BRINP3: variants seen among roughly 807,000 people sequenced by gnomAD.
The protein encoded by BRINP3 is BMP/retinoic acid inducible neural specific 3.
A neutral mutation model predicts 71.0 loss-of-function variants in BRINP3; 19 were observed. The observed-to-expected ratio is 0.27, with a 90% confidence interval of 0.19 to 0.39. The LOEUF (loss-of-function observed/expected upper bound fraction) is 0.39. Ranked by LOEUF, BRINP3 falls within the 10% of genes least tolerant of loss-of-function variation. The probability of loss-of-function intolerance (pLI) is 1.00; values close to 1 mark genes in which losing one functional copy is unlikely to be tolerated. For missense variants in BRINP3, 959 were observed against 940.8 expected, an observed-to-expected ratio of 1.02 and a Z score of -0.25; for synonymous variants, 380 against 337.7, an observed-to-expected ratio of 1.13 and a Z score of -1.37.
intron 2 of BRINP3, among the ~76,000 whole-genome samples, chr1:190,345,526 C>T (rs1667959445): frequency 6.6e-6 from 1 of 151,186 alleles, no homozygotes; most frequent in Non-Finnish European, 1.5e-5. Context: ...TCTATTTCAT[C>T]ATATTGTTAT....
chr1:190,445,099 T>C (rs991786067), intron 2 of BRINP3, among the ~76,000 whole-genome samples: 4 of 152,074 alleles, frequency 2.6e-5, no homozygotes, highest in African/African-American at 9.7e-5. Flanking sequence ...GAATTATAAT[T>C]CCTATTGAAA....
At chr1:190,466,813 T>A (rs1676785619) in intron 1 of BRINP3, among the ~76,000 whole-genome samples, 1 of 151,478 alleles carries the variant, frequency 6.6e-6, no homozygotes, top group African/African-American at 2.4e-5. Flanking sequence ...ATAAATGGAG[T>A]TTATTAATAA....
At chr1:190,419,634 T>C (rs1673229985) in intron 2 of BRINP3, among the ~76,000 whole-genome samples, 1 of 151,694 alleles carries the variant, frequency 6.6e-6, no homozygotes, top group Admixed American at 6.6e-5. Context: ...CAGTTTCTCA[T>C]ACATTTTCTC....
intron 6 of BRINP3, among the ~76,000 whole-genome samples, chr1:190,211,169 T>G (rs1224565344): frequency 6.6e-6 from 1 of 152,054 alleles, no homozygotes; most frequent in African/African-American, 2.4e-5. Flanking sequence ...TGTGAGTCAA[T>G]TCTCCTCAAA....
intron 2 of BRINP3, among the ~76,000 whole-genome samples, chr1:190,388,255 A>G (rs1671038368): frequency 6.6e-6 from 1 of 151,840 alleles, no homozygotes; most frequent in Non-Finnish European, 1.5e-5. Flanking sequence ...CAGCATCTGT[A>G]GAGAAAAAGC....
At chr1:190,125,430 A>AT (rs992455493) in intron 7 of BRINP3, among the ~76,000 whole-genome samples, 1 of 151,722 alleles carries the variant, frequency 6.6e-6, no homozygotes, top group Admixed American at 6.6e-5. Flanking sequence ...TTTAAAACAT[A>AT]TTTTTTTCTC....
At chr1:190,304,452 G>A (rs1664953998) in intron 2 of BRINP3, among the ~76,000 whole-genome samples, 1 of 151,720 alleles carries the variant, frequency 6.6e-6, no homozygotes, top group African/African-American at 2.4e-5. Flanking sequence ...TGAAACAGAA[G>A]AGAGAGCTCA....
intron 3 of BRINP3, among the ~76,000 whole-genome samples, chr1:190,268,213 TTATAAC>T (rs1258441982): frequency 2.0e-5 from 3 of 152,172 alleles, no homozygotes; most frequent in East Asian, 3.9e-4. Flanking sequence ...TTATGAATAA[TTATAAC>T]TATTTATGAT....
intron 2 of BRINP3, among the ~76,000 whole-genome samples, chr1:190,444,683 G>A (rs1252053004): frequency 2.0e-5 from 3 of 152,022 alleles, no homozygotes; most frequent in East Asian, 1.9e-4. Flanking sequence ...TTACAGGCGC[G>A]CACCAGTATG....
rs188770356 is a variant in BRINP3 at position 190,346,769 on chromosome 1, A to G, written c.237-65019T>C. ...AGCGATCTCTGAAATGCCCCAGAAT[A>G]GTATACTTACATCTTCTTAGTTAAC... On this transcript the variant is annotated intron_variant, in intron 2 of 7. Coordinates refer to ENST00000367462, the MANE Select transcript of BRINP3 (RefSeq NM_199051.3). Among the ~76,000 whole-genome samples, 23 of 152,250 alleles carry G rather than the reference A, an allele frequency of 1.5e-4. No homozygotes were observed. In the East Asian group the frequency reaches 2.7e-3, roughly 18 times the overall value.
intron 7 of BRINP3, among the ~76,000 whole-genome samples, chr1:190,142,328 A>C (rs1376767364): frequency 6.6e-6 from 1 of 152,230 alleles, no homozygotes; most frequent in African/African-American, 2.4e-5. Flanking sequence ...AAGCACCTGA[A>C]ATGATAACTA....
At chr1:190,395,816 C>A (rs1469415594) in intron 2 of BRINP3, among the ~76,000 whole-genome samples, 1 of 151,724 alleles carries the variant, frequency 6.6e-6, no homozygotes, top group African/African-American at 2.4e-5. Context: ...TTGAAGAGTC[C>A]ATCGATGCTC....
chr1:190,303,154 A>G lies in BRINP3; in HGVS notation c.237-21404T>C, dbSNP rs139270795. ...TAGAGCAGATGGAAATCAACTTTTT[A>G]AAAATTTAAAGGAAAGATAATCTCA... On this transcript the variant is annotated intron_variant, in intron 2 of 7. Transcript: ENST00000367462. Among the ~76,000 whole-genome samples the G allele has an allele frequency of 4.4e-3, 673 of 151,826 alleles. 1 individual carries two copies. Among genetic ancestry groups the G allele is most frequent in the Admixed American group, 0.012 (177 of 15,224 alleles).
Position 190,213,698 on chromosome 1 carries a change from A to G in BRINP3, c.961+12384T>C, listed in dbSNP as rs182760074. On this transcript the variant is annotated intron_variant, in intron 6 of 7. Transcript: ENST00000367462. ...TCCAATAAAAGTTGTGGTACCCAGA[A>G]AAGACTCTCCATTGAACTCCAAAGC... Among the ~76,000 whole-genome samples, 4 of 152,092 alleles carry G rather than the reference A, an allele frequency of 2.6e-5. No individual in the cohort carries two copies. In the East Asian group the frequency reaches 7.8e-4, roughly 30 times the overall value.
intron 3 of BRINP3, among the ~76,000 whole-genome samples, chr1:190,273,576 CA>C (rs1324402200): frequency 2.6e-5 from 4 of 151,388 alleles, no homozygotes; most frequent in African/African-American, 9.7e-5. Flanking sequence ...ATAAAACAAA[CA>C]AACAAAAAAT....
intron 2 of BRINP3, among the ~76,000 whole-genome samples, chr1:190,304,754 A>G (rs1177249211): frequency 6.6e-6 from 1 of 151,870 alleles, no homozygotes; most frequent in Non-Finnish European, 1.5e-5. Flanking sequence ...AGGCAAATAT[A>G]GATAGATAAG....
chr1:190,137,679 T>G (rs1184196870), intron 7 of BRINP3, among the ~76,000 whole-genome samples: 1 of 152,140 alleles, frequency 6.6e-6, no homozygotes, highest in African/African-American at 2.4e-5. Flanking sequence ...GGCAATTAGA[T>G]GGTCATTATT....
intron 6 of BRINP3, among the ~76,000 whole-genome samples, chr1:190,218,965 C>A (rs1656642227): frequency 6.6e-6 from 1 of 152,066 alleles, no homozygotes; most frequent in Admixed American, 6.6e-5. Context: ...CATGTTTTGT[C>A]ACCTTCACAC....
intron 2 of BRINP3, among the ~76,000 whole-genome samples, chr1:190,369,251 T>C (rs754437396): frequency 6.6e-6 from 1 of 152,174 alleles, no homozygotes; most frequent in Non-Finnish European, 1.5e-5. Flanking sequence ...TCAGTGCGAA[T>C]AGGTAATCTC....
Sources: allele counts gnomAD v4.1 joint callset (sites outside exome capture counted in the v4.1 genomes callset), GRCh38; gene constraint gnomAD v4.1.1; transcripts MANE v1.5; gene names NCBI Gene and HGNC (gene_info 2026-07-23, HGNC 2026-07-21).